The following CYP2J2 variants were observed in gnomAD, a reference collection of about 807,000 sequenced individuals.
CYP2J2 encodes cytochrome P450 2J2.
A neutral mutation model predicts 48.8 loss-of-function variants in CYP2J2; 41 were observed. That is an observed-to-expected ratio of 0.84 (90% CI 0.66 to 1.09). The LOEUF (loss-of-function observed/expected upper bound fraction) is 1.09. Among genes scored for constraint, CYP2J2 ranks in the 50% least tolerant of loss-of-function variants. The probability of loss-of-function intolerance (pLI) is 0.00; values close to 1 mark genes in which losing one functional copy is unlikely to be tolerated. For missense variants in CYP2J2, 644 were observed against 617.3 expected, an observed-to-expected ratio of 1.04 and a Z score of -0.46; for synonymous variants, 221 against 227.1, an observed-to-expected ratio of 0.97 and a Z score of 0.24.
intron 1 of CYP2J2, among the ~76,000 whole-genome samples, chr1:59,922,965 C>A (rs941829248): frequency 4.6e-5 from 7 of 152,214 alleles, no homozygotes; most frequent in Non-Finnish European, 1.0e-4. Flanking sequence ...TCTGCTGAGT[C>A]TGTGAGCTGA....
chr1:59,935,898 T>C, the CYP2J2 span, among the ~76,000 whole-genome samples: 1 of 152,176 alleles, frequency 6.6e-6, no homozygotes, highest in Non-Finnish European at 1.5e-5. Context: ...CTCAGCCTCC[T>C]GAGTAGCTGG....
At chr1:59,968,698 C>T in the CYP2J2 span, among the ~76,000 whole-genome samples, 2 of 152,236 alleles carry the variant, frequency 1.3e-5, no homozygotes, top group East Asian at 1.9e-4. Context: ...GTAAAAGGCC[C>T]GAGGGGGGAC....
rs1170086649 is a variant in CYP2J2, at chr1:59,926,757, T to G, written c.-11A>C. On this transcript the variant is annotated 5_prime_UTR_variant, in exon 1 of 9. Coordinates refer to ENST00000371204, the MANE Select transcript of CYP2J2 (RefSeq NM_000775.4). Reference sequence around the variant, plus strand: ...CATCGCCGCGAGCATGGCTCAGACGTCCTCCTGCTCTTCTGCGGTCCAAGC... The same window carrying G: ...CATCGCCGCGAGCATGGCTCAGACGGCCTCCTGCTCTTCTGCGGTCCAAGC... The G allele has an allele frequency of 6.2e-7, 1 of 1,606,606 alleles. No individual in the cohort carries two copies. The highest frequency in any genetic ancestry group is 2.2e-5 in the East Asian group (1 of 44,650).
intron 6 of CYP2J2, among the ~76,000 whole-genome samples, chr1:59,906,457 T>A (rs1226485919): frequency 1.3e-5 from 2 of 152,132 alleles, no homozygotes; most frequent in African/African-American, 4.8e-5. Context: ...TGGATTTTTT[T>A]TTTTTTACCT....
At chr1:59,909,613 G>A (rs1257992694) in intron 5 of CYP2J2, among the ~76,000 whole-genome samples, 171 bp downstream of exon 5, 1 of 152,186 alleles carries the variant, frequency 6.6e-6, no homozygotes, top group African/African-American at 2.4e-5. Context: ...AACCTTATCT[G>A]TAACCCAGTG....
intron 1 of CYP2J2, among the ~76,000 whole-genome samples, chr1:59,924,856 A>G (rs1644551176): frequency 6.6e-6 from 1 of 152,060 alleles, no homozygotes; most frequent in South Asian, 2.1e-4. Context: ...CAATTAAAAG[A>G]CAGAGATTGC....
upstream of CYP2J2, among the ~76,000 whole-genome samples, chr1:59,927,557 A>G (rs1282751615): frequency 6.6e-6 from 1 of 152,190 alleles, no homozygotes; most frequent in Non-Finnish European, 1.5e-5. Context: ...TACTCAACAT[A>G]GAGTCACATA....
chr1:59,930,828 T>A (rs934128669), upstream of CYP2J2, among the ~76,000 whole-genome samples: 6 of 152,176 alleles, frequency 3.9e-5, no homozygotes, highest in African/African-American at 1.4e-4. Context: ...TACTTAAGAA[T>A]GTCCTTAGAT....
the CYP2J2 span, among the ~76,000 whole-genome samples, chr1:59,938,266 C>T: frequency 6.6e-6 from 1 of 152,320 alleles, no homozygotes; most frequent in Non-Finnish European, 1.5e-5. Flanking sequence ...AGAACAGTGG[C>T]CCCAGGGAAC....
At chr1:59,901,534 T>C (rs775313608) in intron 7 of CYP2J2, among the ~76,000 whole-genome samples, 10 of 152,164 alleles carry the variant, frequency 6.6e-5, no homozygotes, top group Non-Finnish European at 1.5e-4. Context: ...TTCATCTTGG[T>C]TTCACCATTC....
chr1:59,912,060 G>A (rs1574254693), intron 3 of CYP2J2, 102 bp downstream of exon 3: 1 of 1,273,160 alleles, frequency 7.9e-7, no homozygotes, highest in East Asian at 2.5e-5. Flanking sequence ...TCCATTCCTA[G>A]CACAGTGCTG....
At chr1:59,937,619 G>A in the CYP2J2 span, among the ~76,000 whole-genome samples, 1 of 152,108 alleles carries the variant, frequency 6.6e-6, no homozygotes, top group African/African-American at 2.4e-5. Context: ...TAGGTTTGGG[G>A]AGCTCTTTGT....
At chr1:59,952,910 T>C in the CYP2J2 span, among the ~76,000 whole-genome samples, 1 of 152,198 alleles carries the variant, frequency 6.6e-6, no homozygotes, top group Non-Finnish European at 1.5e-5. Flanking sequence ...AATGAATGGT[T>C]CGCTTTGCTT....
chr1:59,902,750 A>C (rs1644331712), intron 7 of CYP2J2, among the ~76,000 whole-genome samples: 2 of 152,128 alleles, frequency 1.3e-5, no homozygotes, highest in Non-Finnish European at 2.9e-5. Flanking sequence ...TGTACTAAGT[A>C]CTGGGTTAAA....
chr1:59,958,536 T>C, the CYP2J2 span, among the ~76,000 whole-genome samples: 1 of 152,144 alleles, frequency 6.6e-6, no homozygotes. Flanking sequence ...CTTTCCTTCC[T>C]AGAACATCCC....
At chr1:59,963,775 C>A in the CYP2J2 span, among the ~76,000 whole-genome samples, 1 of 152,150 alleles carries the variant, frequency 6.6e-6, no homozygotes, top group African/African-American at 2.4e-5. Context: ...CTATCAGGTC[C>A]TGGAAAAACA....
At chr1:59,956,773 T>A in the CYP2J2 span, among the ~76,000 whole-genome samples, 1 of 152,170 alleles carries the variant, frequency 6.6e-6, no homozygotes, top group Non-Finnish European at 1.5e-5. Flanking sequence ...TTATCTGTTT[T>A]TCATTGAGTG....
chr1:59,912,312 C>A lies in CYP2J2; in HGVS notation c.374-1G>T. The stretch of plus-strand genomic sequence containing the variant: ...GCCTGGCCACTTGACATAATCAATC[C>A]TGGGAAAAAGAAAGTCAACATTACA... On this transcript the variant is annotated splice_acceptor_variant, in intron 2 of 8. Transcript: ENST00000371204. LOFTEE classifies it high-confidence loss of function. 1.4e-5 allele frequency: 22 copies of A among 1,609,450 alleles called. No individual in the cohort carries two copies. Among genetic ancestry groups the A allele is most frequent in the Non-Finnish European group, 1.6e-5 (19 of 1,178,396 alleles).
At chr1:59,942,918 T>C in the CYP2J2 span, among the ~76,000 whole-genome samples, 1 of 152,224 alleles carries the variant, frequency 6.6e-6, no homozygotes, top group African/African-American at 2.4e-5. Context: ...GGTACTCTTA[T>C]GAACCCCGTT....
Sources: allele counts gnomAD v4.1 joint callset (sites outside exome capture counted in the v4.1 genomes callset), GRCh38; gene constraint gnomAD v4.1.1; transcripts MANE v1.5; gene names NCBI Gene and HGNC (gene_info 2026-07-23, HGNC 2026-07-21).